The following MTHFD1L variants were observed in gnomAD, a reference collection of about 807,000 sequenced individuals.
MTHFD1L encodes the protein monofunctional C1-tetrahydrofolate synthase, mitochondrial.
Under a neutral mutation model 119.5 loss-of-function variants are expected in MTHFD1L, and 81 were observed. The observed-to-expected ratio is 0.68, with a 90% CI of 0.57 to 0.82. MTHFD1L has a LOEUF of 0.82. MTHFD1L is among the 40% of genes least tolerant of loss of function. The probability of loss-of-function intolerance (pLI) is 0.00; values close to 1 mark genes in which losing one functional copy is unlikely to be tolerated. For synonymous variants in MTHFD1L, 430 were observed against 475.2 expected (o/e 0.90, Z 1.24); for missense variants, 1,125 against 1,253.4 (o/e 0.90, Z 1.55).
intron 8 of MTHFD1L, among the ~76,000 whole-genome samples, chr6:150,914,249 A>G (rs920296528): frequency 4.0e-5 from 6 of 151,722 alleles, no homozygotes; most frequent in African/African-American, 1.5e-4. Context: ...GGGAGCTGAG[A>G]TGGTGCCACT....
intron 8 of MTHFD1L, among the ~76,000 whole-genome samples, chr6:150,916,627 C>T (rs1446172199): frequency 6.7e-6 from 1 of 149,272 alleles, no homozygotes; most frequent in Non-Finnish European, 1.5e-5. Context: ...CTATGCCCTG[C>T]CAGAAGTAGA....
chr6:150,953,568 CACTA>C (rs1439214836), intron 16 of MTHFD1L, among the ~76,000 whole-genome samples: 8 of 152,154 alleles, frequency 5.3e-5, no homozygotes. Context: ...CATTTTGGAT[CACTA>C]ACTTAGGGTT....
chr6:150,883,653 C>T (rs1391738841), intron 5 of MTHFD1L, among the ~76,000 whole-genome samples: 1 of 152,124 alleles, frequency 6.6e-6, no homozygotes, highest in Non-Finnish European at 1.5e-5. Flanking sequence ...AGGGGAACAT[C>T]ATAACTATTG....
chr6:150,948,557 T>C (rs9371483), intron 15 of MTHFD1L, among the ~76,000 whole-genome samples: 41,608 of 150,960 alleles, frequency 0.28, 6,863 homozygotes, highest in East Asian at 0.44. Flanking sequence ...CTCCTGACCT[T>C]AGGTGATCCA....
At position 151,039,211 on chromosome 6, in the gene MTHFD1L, T is replaced by C. The variant is rs1399178083; in HGVS notation, c.2847+2094T>C. Among the ~76,000 whole-genome samples the C allele has an allele frequency of 6.6e-6, 1 of 151,568 alleles. No homozygotes were observed. The highest frequency in any genetic ancestry group is 2.4e-5 in the African/African-American group (1 of 41,206). ...GCATGGCAGAGAACGTCCAGAAAAATCCCACAGACACCGCTCGTAGCAGTG... is the reference window on the plus strand; with the variant it reads ...GCATGGCAGAGAACGTCCAGAAAAACCCCACAGACACCGCTCGTAGCAGTG... On this transcript the variant is annotated intron_variant, in intron 26 of 27. Transcript: ENST00000367321. The surrounding 1 kb of genome is among the most constrained non-coding windows in gnomAD (Gnocchi z 4.4).
intron 16 of MTHFD1L, among the ~76,000 whole-genome samples, chr6:150,953,824 C>A (rs566630805): frequency 2.6e-4 from 40 of 152,268 alleles, no homozygotes; most frequent in African/African-American, 7.9e-4. Flanking sequence ...GTGCCAAGAT[C>A]GTGTATACTA....
At position 151,007,830 on chromosome 6, in the gene MTHFD1L, G is replaced by A. The variant is rs139844616; in HGVS notation, c.2126-1989G>A. Among the ~76,000 whole-genome samples, 814 of 152,294 alleles carry A rather than the reference G, an allele frequency of 5.3e-3. 6 individuals are homozygous for A. The highest frequency in any genetic ancestry group is 0.017 in the African/African-American group (712 of 41,558). ...TTTTCTCTGATTTTGACCACTACAA[G>A]TAAAATCACAAGATTTGTCCCAAAT... On this transcript the variant is annotated intron_variant, in intron 20 of 27. Transcript: ENST00000367321.
At chr6:151,084,424 T>G (rs1467747382) in intron 26 of MTHFD1L, among the ~76,000 whole-genome samples, 1 of 152,012 alleles carries the variant, frequency 6.6e-6, no homozygotes, top group Non-Finnish European at 1.5e-5. Context: ...GGAAGTAATG[T>G]AATACCTGGG....
At chr6:150,934,625 T>C (rs953642336) in intron 11 of MTHFD1L, among the ~76,000 whole-genome samples, 4 of 152,232 alleles carry the variant, frequency 2.6e-5, no homozygotes, top group Non-Finnish European at 5.9e-5. Flanking sequence ...ATGACGCCTC[T>C]AAAGACATTC....
chr6:151,065,096 G>A (rs934974868), intron 26 of MTHFD1L, among the ~76,000 whole-genome samples: 1 of 152,210 alleles, frequency 6.6e-6, no homozygotes, highest in Non-Finnish European at 1.5e-5. Context: ...GAGCCACCAT[G>A]CCCGGCCACT....
intron 1 of MTHFD1L, among the ~76,000 whole-genome samples, chr6:150,867,900 C>T (rs1778699903): frequency 6.7e-6 from 1 of 149,386 alleles, no homozygotes; most frequent in Non-Finnish European, 1.5e-5. Flanking sequence ...CAGGTTCAGG[C>T]GATTCCCCTG....
Position 150,937,152 on chromosome 6 carries a change from C to G in MTHFD1L, c.1393+212C>G, listed in dbSNP as rs544073522. Among the ~76,000 whole-genome samples the G allele has an allele frequency of 4.0e-5, 6 of 151,358 alleles. No homozygotes were observed. In the East Asian group the frequency reaches 1.2e-3, roughly 29 times the overall value. On this transcript the variant is annotated intron_variant, in intron 12 of 27. Coordinates refer to ENST00000367321, the MANE Select transcript of MTHFD1L (RefSeq NM_015440.5). ...GCCGCCAGGGCTTCACTGGATGCCT[C>G]AGGAGCCTGTTCCTGGGGCTGCGTT...
At chr6:150,983,565 T>C (rs571101211) in intron 20 of MTHFD1L, among the ~76,000 whole-genome samples, 1 of 152,292 alleles carries the variant, frequency 6.6e-6, no homozygotes, top group South Asian at 2.1e-4. Flanking sequence ...TGGGGCCAGC[T>C]GTTCTTCCAA....
At chr6:151,001,869 G>A (rs558034153) in intron 20 of MTHFD1L, among the ~76,000 whole-genome samples, 95 of 152,288 alleles carry the variant, frequency 6.2e-4, no homozygotes, top group Middle Eastern at 3.4e-3. Context: ...AGCAGAGGAG[G>A]TGATTTATAA....
intron 19 of MTHFD1L, among the ~76,000 whole-genome samples, chr6:150,967,117 C>T (rs796980473): frequency 3.3e-5 from 5 of 152,084 alleles, no homozygotes; most frequent in African/African-American, 9.6e-5. Context: ...CTCCTGCCCC[C>T]ACCTGCATCC....
intron 10 of MTHFD1L, among the ~76,000 whole-genome samples, chr6:150,924,557 A>C (rs1583584527): frequency 6.6e-6 from 1 of 151,734 alleles, no homozygotes; most frequent in African/African-American, 2.4e-5. Context: ...GCTCACCTCA[A>C]CCTCCGCCTC....
intron 24 of MTHFD1L, among the ~76,000 whole-genome samples, chr6:151,022,595 T>C (rs1784089385): frequency 6.6e-6 from 1 of 152,212 alleles, no homozygotes; most frequent in Non-Finnish European, 1.5e-5. Context: ...ACACTCTAGG[T>C]TGAAAGGCTG....
chr6:151,037,192 C>T (rs1014988882), intron 26 of MTHFD1L, 75 bp downstream of exon 26: 170 of 1,472,382 alleles, frequency 1.2e-4, no homozygotes, highest in Middle Eastern at 2.5e-4. Flanking sequence ...ATGCTCCGCC[C>T]GCTCTTTAAA....
chr6:150,916,737 CTTTTTTTTTTTTTTTTTTTT>C (rs57961829), intron 8 of MTHFD1L, among the ~76,000 whole-genome samples: 2 of 72,136 alleles, frequency 2.8e-5, no homozygotes, highest in Non-Finnish European at 5.8e-5. Context: ...GATTCTATCC[CTTTTTTTTTTTTTTTTTTTT>C]TTTTTTTTTT....
Sources: allele counts gnomAD v4.1 joint callset (sites outside exome capture counted in the v4.1 genomes callset), GRCh38; gene constraint gnomAD v4.1.1; non-coding constraint Gnocchi (gnomAD v3.1); transcripts MANE v1.5; gene names NCBI Gene and HGNC (gene_info 2026-07-23, HGNC 2026-07-21).